The following ZNF518A variants were observed in gnomAD, a reference collection of about 807,000 sequenced individuals.
ZNF518A encodes the protein zinc finger protein 518A, also known as zinc finger protein 518.
In ZNF518A, 47 loss-of-function variants were observed where a neutral mutation model predicts 102.7. That is an observed-to-expected ratio of 0.46 (90% CI 0.36 to 0.58). ZNF518A has a LOEUF of 0.58. ZNF518A is among the 20% of genes least tolerant of loss of function. ZNF518A has a pLI of 0.00. For missense variants in ZNF518A, 1,793 were observed against 1,699.8 expected (o/e 1.05, Z -0.96); for synonymous variants, 652 against 594.6 (o/e 1.10, Z -1.40).
downstream of ZNF518A, chr10:96,204,207 C>T (rs1156958589): frequency 1.8e-6 from 2 of 1,089,400 alleles, no homozygotes; most frequent in East Asian, 4.7e-5. Flanking sequence ...TACAAATGGC[C>T]AATAAAATGT....
downstream of ZNF518A, among the ~76,000 whole-genome samples, chr10:96,167,490 G>C (rs951440832): frequency 9.9e-5 from 15 of 152,162 alleles, no homozygotes; most frequent in Admixed American, 3.3e-4. Context: ...AAGGAAGCCA[G>C]ATGTGAAGAA....
intron 3 of ZNF518A, among the ~76,000 whole-genome samples, chr10:96,154,408 T>A (rs2082598026): frequency 6.6e-6 from 1 of 151,982 alleles, no homozygotes; most frequent in Non-Finnish European, 1.5e-5. Context: ...CGTTTCTTTC[T>A]CCTCCCTCCC....
intron 3 of ZNF518A, among the ~76,000 whole-genome samples, chr10:96,142,456 GT>G (rs1160727019): frequency 6.6e-6 from 1 of 151,950 alleles, no homozygotes; most frequent in Non-Finnish European, 1.5e-5. Context: ...TCATATGACT[GT>G]TTTGCCTGTA....
chr10:96,154,812 G>A (rs2082621928), intron 3 of ZNF518A, among the ~76,000 whole-genome samples: 1 of 151,994 alleles, frequency 6.6e-6, no homozygotes, highest in African/African-American at 2.4e-5. Flanking sequence ...TACTGTATTA[G>A]TCATGGCATG....
At chr10:96,138,597 G>T (rs2081740937) in intron 3 of ZNF518A, among the ~76,000 whole-genome samples, 2 of 152,174 alleles carry the variant, frequency 1.3e-5, no homozygotes, top group Non-Finnish European at 2.9e-5. Flanking sequence ...ATTTTTCTCT[G>T]TAGCAATTGT....
At chr10:96,153,754 T>G (rs1209534338) in intron 3 of ZNF518A, among the ~76,000 whole-genome samples, 5 of 152,150 alleles carry the variant, frequency 3.3e-5, no homozygotes, top group African/African-American at 1.2e-4. Flanking sequence ...TGAAAACACA[T>G]GAAAACTCGA....
chr10:96,196,303 T>G (rs2083463501), intron 1 of ZNF518A, among the ~76,000 whole-genome samples: 1 of 152,196 alleles, frequency 6.6e-6, no homozygotes, highest in Non-Finnish European at 1.5e-5. Context: ...AGCTCATATT[T>G]CAGGGTTCAT....
At chr10:96,142,299 T>C (rs2081963493) in intron 3 of ZNF518A, among the ~76,000 whole-genome samples, 1 of 142,482 alleles carries the variant, frequency 7.0e-6, no homozygotes, top group Non-Finnish European at 1.5e-5. Context: ...AAAGTAATAT[T>C]CTTAGGGTGT....
At chr10:96,189,524 C>T in intron 1 of ZNF518A, 1 of 653,866 alleles carries the variant, frequency 1.5e-6, no homozygotes, top group Non-Finnish European at 2.8e-6. Context: ...CAGAACTAGG[C>T]CCTTTTGGTG....
rs45564037 is a variant in ZNF518A at position 96,163,134 on chromosome 10, T to A, written c.*2360T>A. ...GAATAGCCATATCAGGAAAATAATG[T>A]CGAGATATGTACTTCTTGCCTTTAA... is the stretch of plus-strand genomic sequence containing the variant. On this transcript the variant is annotated 3_prime_UTR_variant, in exon 6 of 6. Transcript: ENST00000316045. 4,271 of 167,158 alleles carry A rather than the reference T, an allele frequency of 0.026. 87 individuals carry two copies. Among genetic ancestry groups the A allele is most frequent in the Non-Finnish European group, 0.035 (2,385 of 68,076 alleles). The allele number at this position is 167,158 out of a possible 1,614,324, so 10.4% of individuals were successfully genotyped here.
intron 1 of ZNF518A, among the ~76,000 whole-genome samples, chr10:96,186,033 G>A (rs933753399): frequency 2.0e-5 from 3 of 152,236 alleles, no homozygotes; most frequent in South Asian, 4.1e-4. Context: ...TGAGCCAGGC[G>A]CCGGATATAA....
In ZNF518A at chr10:96,194,794, G is replaced by A. The variant is rs2083419575; in HGVS notation, n.36-8780G>A. The stretch of plus-strand genomic sequence containing the variant: ...TTTTTTTTTTTTTTTTTTTTGAGAC[G>A]GAGTCTCGCTCTGTCGCCCAGGCTG... On this transcript the variant is annotated intron_variant and non_coding_transcript_variant, in intron 1 of 2. Coordinates refer to the ZNF518A transcript ENST00000442635. Among the ~76,000 whole-genome samples, 3 of 36,980 alleles carry A rather than the reference G, an allele frequency of 8.1e-5. No homozygotes were observed. The Admixed American group carries it at 1.0e-3, about 12-fold the overall frequency. 24.3% of individuals were successfully genotyped at this position (36,980 alleles called of 152,430 possible). A position where few individuals can be genotyped will look rare whatever the true frequency, so the allele number is the denominator to read the frequency against.
chr10:96,195,689 T>C (rs2083447797), intron 1 of ZNF518A, among the ~76,000 whole-genome samples: 1 of 152,132 alleles, frequency 6.6e-6, no homozygotes, highest in Non-Finnish European at 1.5e-5. Flanking sequence ...GGGTATAGGG[T>C]TTTAGTTCTA....
intron 1 of ZNF518A, among the ~76,000 whole-genome samples, chr10:96,175,865 G>GCCTCCCTC (rs1181264871): frequency 0.03 from 1,510 of 49,988 alleles, 148 homozygotes; most frequent in Middle Eastern, 0.09. Context: ...TTCCCTCCCT[G>GCCTCCCTC]CCTCCCTCCC....
chr10:96,130,978 G>A (rs1276665930), intron 1 of ZNF518A, among the ~76,000 whole-genome samples: 1 of 152,180 alleles, frequency 6.6e-6, no homozygotes, highest in Non-Finnish European at 1.5e-5. Flanking sequence ...AACAGATGTA[G>A]CTTTAAAGTT....
intron 1 of ZNF518A, among the ~76,000 whole-genome samples, chr10:96,170,105 T>C (rs1467318597): frequency 6.6e-6 from 1 of 152,200 alleles, no homozygotes; most frequent in African/African-American, 2.4e-5. Flanking sequence ...TCACATCTTT[T>C]CTAAGCACAC....
chr10:96,145,195 G>A (rs372095553), intron 3 of ZNF518A, among the ~76,000 whole-genome samples: 5 of 151,912 alleles, frequency 3.3e-5, no homozygotes, highest in Admixed American at 2.0e-4. Flanking sequence ...TCAGCCTCCC[G>A]AGTAGCTGGG....
chr10:96,195,017 T>C (rs868972629), intron 1 of ZNF518A, among the ~76,000 whole-genome samples: 19 of 151,756 alleles, frequency 1.3e-4, no homozygotes, highest in African/African-American at 4.3e-4. Context: ...GATCCGCCCG[T>C]CTCGGCCTCC....
intron 1 of ZNF518A, among the ~76,000 whole-genome samples, chr10:96,131,428 T>C (rs140492347): frequency 1.3e-5 from 2 of 152,352 alleles, no homozygotes; most frequent in Non-Finnish European, 2.9e-5. Flanking sequence ...AGCAAAATTG[T>C]CTTTTCTGAA....
Sources: allele counts gnomAD v4.1 joint callset (sites outside exome capture counted in the v4.1 genomes callset), GRCh38; gene constraint gnomAD v4.1.1; transcripts MANE v1.5; gene names NCBI Gene and HGNC (gene_info 2026-07-23, HGNC 2026-07-21).